NUP133: variants seen among roughly 807,000 people sequenced by gnomAD.
The protein encoded by NUP133 is nuclear pore complex protein Nup133.
In NUP133, 66 loss-of-function variants were observed where a neutral mutation model predicts 146.2. The observed-to-expected ratio is 0.45, with a 90% CI of 0.37 to 0.55. NUP133 has a LOEUF of 0.55. Among genes scored for constraint, NUP133 ranks in the 20% least tolerant of loss-of-function variants. The pLI, the probability that NUP133 is intolerant of heterozygous loss-of-function variation, is 0.00. For synonymous variants in NUP133, 521 were observed against 498.8 expected, an observed-to-expected ratio of 1.04 and a Z score of -0.59; for missense variants, 1,277 against 1,374.8, an observed-to-expected ratio of 0.93 and a Z score of 1.12.
At chr1:229,446,818 C>A (rs1001639477) in intron 24 of NUP133, among the ~76,000 whole-genome samples, 1 of 151,844 alleles carries the variant, frequency 6.6e-6, no homozygotes, top group Non-Finnish European at 1.5e-5. Flanking sequence ...GCATGACAAG[C>A]CTCACTTCTG....
At chr1:229,453,363 T>C (rs746393512) in intron 21 of NUP133, among the ~76,000 whole-genome samples, 23 of 152,214 alleles carry the variant, frequency 1.5e-4, no homozygotes, top group African/African-American at 5.5e-4. Context: ...ATTCCACTTC[T>C]TGTAATGTCA....
intron 8 of NUP133, among the ~76,000 whole-genome samples, chr1:229,493,736 G>A (rs1275225712): frequency 6.6e-6 from 1 of 152,208 alleles, no homozygotes; most frequent in Non-Finnish European, 1.5e-5. Context: ...TGGTCAGCAT[G>A]ACAACACTGG....
chr1:229,495,518 T>C lies in NUP133; in HGVS notation c.1023A>G (p.Arg341=). The stretch of plus-strand genomic sequence containing the variant: ...ACCAGTTTTGCTTCAAGTCCAAATA[T>C]CGAATGTTGACTCCTTCTTTAATAG... The part of the protein sequence containing the change: ...YEAIKEGVNI[R]YLDLKQNCDG... The change falls in exon 8 of 26, where the codon CGA becomes CGG. Residue 341 remains arginine (R), a synonymous_variant. Coordinates refer to ENST00000261396, the MANE Select transcript of NUP133 (RefSeq NM_018230.3). The C allele has an allele frequency of 1.9e-6, 3 of 1,612,422 alleles. No individual in the cohort carries two copies. The highest frequency in any genetic ancestry group is 2.5e-6 in the Non-Finnish European group (3 of 1,178,868).
intron 13 of NUP133, among the ~76,000 whole-genome samples, chr1:229,476,123 A>C (rs948596278): frequency 7.6e-5 from 11 of 145,624 alleles, no homozygotes; most frequent in Non-Finnish European, 1.5e-4. Flanking sequence ...AGAAAAGGGA[A>C]AAAAAAAAAA....
intron 25 of NUP133, among the ~76,000 whole-genome samples, chr1:229,444,661 A>G (rs553157213): frequency 6.6e-6 from 1 of 152,154 alleles, no homozygotes; most frequent in South Asian, 2.1e-4. Context: ...AGCCTGGCCA[A>G]TATGGTGAAA....
At chr1:229,445,380 A>C (rs1482265346) in intron 24 of NUP133, among the ~76,000 whole-genome samples, 1 of 152,212 alleles carries the variant, frequency 6.6e-6, no homozygotes, top group Non-Finnish European at 1.5e-5. Context: ...TGGACCCCAA[A>C]GTATGACTCA....
intron 24 of NUP133, chr1:229,448,710 C>CTGG (rs35645757): frequency 0.23 from 44,685 of 190,216 alleles, 6,912 homozygotes; most frequent in African/African-American, 0.47. Flanking sequence ...CTCCTGGGGT[C>CTGG]ATCGGGACCG....
At chr1:229,495,313 C>T (rs1407234622) in intron 8 of NUP133, among the ~76,000 whole-genome samples, 182 bp downstream of exon 8, 1 of 152,154 alleles carries the variant, frequency 6.6e-6, no homozygotes, top group Admixed American at 6.5e-5. Flanking sequence ...ATCACTTCAG[C>T]CCAGGAGGTC....
At chr1:229,449,242 TA>T in intron 23 of NUP133, 52 bp from the exon 24 acceptor site, 1 of 1,176,462 alleles carries the variant, frequency 8.5e-7, no homozygotes. Context: ...CTGAAAGAAA[TA>T]CATGCCTAAA....
Position 229,458,234 on chromosome 1 carries a change from G to A in NUP133, c.2907C>T (p.Thr969=). Reference sequence around the variant, plus strand: ...CAGCCAATTTACTCAAGCCAAGAAGGGTTTTCTTCTTTGCAAAGTAACGAG... The same window carrying A: ...CAGCCAATTTACTCAAGCCAAGAAGAGTTTTCTTCTTTGCAAAGTAACGAG... ...METRYFAKKK[T]LLGLSKLAAL... Residue 969 remains threonine (T), a synonymous_variant, in exon 21 of 26, where the codon ACC becomes ACT. Coordinates refer to ENST00000261396, the MANE Select transcript of NUP133 (RefSeq NM_018230.3). 6.2e-7 allele frequency: 1 copy of A among 1,613,082 alleles called. No individual in the cohort carries two copies. The highest frequency in any genetic ancestry group is 8.5e-7 in the Non-Finnish European group (1 of 1,179,388).
At chr1:229,499,250 T>C (rs1438617253) in intron 5 of NUP133, 1 of 471,146 alleles carries the variant, frequency 2.1e-6, no homozygotes, top group East Asian at 6.9e-5. Flanking sequence ...AGCCATTCTT[T>C]ATAGTGTCTG....
chr1:229,477,504 T>C, intron 13 of NUP133, 93 bp downstream of exon 13: 2 of 957,000 alleles, frequency 2.1e-6, no homozygotes, highest in Non-Finnish European at 2.9e-6. Flanking sequence ...TTAAATTGTT[T>C]GAGAAGCTAA....
chr1:229,440,433 G>T lies in NUP133; in HGVS notation c.*1471C>A, dbSNP rs1238780038. 1 of 152,220 alleles carries T rather than the reference G, an allele frequency of 6.6e-6. No homozygotes were observed. The highest frequency in any genetic ancestry group is 1.5e-5 in the Non-Finnish European group (1 of 68,060). 9.4% of individuals were successfully genotyped at this position (152,220 alleles called of 1,614,324 possible). ...CAGTCGTTCTACGTCCACGCGATCAGTGGGTTCTGGGGCATGATCAGATGG... is the reference window on the plus strand; with the variant it reads ...CAGTCGTTCTACGTCCACGCGATCATTGGGTTCTGGGGCATGATCAGATGG... On this transcript the variant is annotated 3_prime_UTR_variant, in exon 26 of 26. Transcript: ENST00000261396.
At chr1:229,488,437 CTGT>C (rs759150115) in intron 9 of NUP133, among the ~76,000 whole-genome samples, 3 of 151,968 alleles carry the variant, frequency 2.0e-5, no homozygotes, top group Non-Finnish European at 4.4e-5. Context: ...AAATGATAAG[CTGT>C]TATTAAAGAA....
intron 13 of NUP133, among the ~76,000 whole-genome samples, chr1:229,477,140 C>T (rs1471982975): frequency 6.6e-6 from 1 of 151,526 alleles, no homozygotes; most frequent in Non-Finnish European, 1.5e-5. Flanking sequence ...TCAAAACATA[C>T]TATAAGGAAG....
At chr1:229,499,061 GATA>G in intron 5 of NUP133, 1 of 415,616 alleles carries the variant, frequency 2.4e-6, no homozygotes, top group South Asian at 1.7e-5. Context: ...ACTATGCCCA[GATA>G]ATTTTTAAAT....
At chr1:229,479,024 TCA>T (rs1661144884) in intron 12 of NUP133, among the ~76,000 whole-genome samples, 1 of 152,112 alleles carries the variant, frequency 6.6e-6, no homozygotes, top group African/African-American at 2.4e-5. Context: ...CTTCCCACAG[TCA>T]CAGTTACCTG....
chr1:229,472,511 A>G (rs986060148), intron 14 of NUP133, among the ~76,000 whole-genome samples: 8 of 150,112 alleles, frequency 5.3e-5, no homozygotes, highest in Admixed American at 2.7e-4. Context: ...TCACCTGGGT[A>G]ATGTGTACAA....
At chr1:229,456,679 T>C (rs1202430080) in intron 21 of NUP133, among the ~76,000 whole-genome samples, 1 of 152,056 alleles carries the variant, frequency 6.6e-6, no homozygotes, top group Non-Finnish European at 1.5e-5. Context: ...GGGGTGTCAC[T>C]GCAGAGACAA....
Sources: gnomAD v4.1 joint callset for allele counts (sites outside exome capture counted in the v4.1 genomes callset) on GRCh38, gnomAD v4.1.1 for gene constraint, MANE v1.5 for transcripts, NCBI Gene and HGNC (gene_info 2026-07-23, HGNC 2026-07-21) for gene names.